Variants in KCNIP4 observed in about 807,000 individuals in gnomAD.
KCNIP4 encodes Kv channel-interacting protein 4.
Under a neutral mutation model 34.0 loss-of-function variants are expected in KCNIP4, and 12 were observed. The ratio of observed to expected loss-of-function variants is 0.35; its 90% CI spans 0.23 to 0.57. KCNIP4 has a LOEUF of 0.57. Among genes scored for constraint, KCNIP4 ranks in the 20% least tolerant of loss-of-function variants. KCNIP4 has a pLI of 0.83. For missense variants in KCNIP4, 238 were observed against 311.7 expected (o/e 0.76, Z 1.78); for synonymous variants, 124 against 102.2 (o/e 1.21, Z -1.29).
chr4:21,768,664 T>C (rs982804448), intron 1 of KCNIP4, among the ~76,000 whole-genome samples: 5 of 152,104 alleles, frequency 3.3e-5, no homozygotes, highest in African/African-American at 1.2e-4. Flanking sequence ...TTTTATAAGT[T>C]TTAAGAAAGT....
chr4:20,817,233 A>G (rs1326218678), intron 3 of KCNIP4, among the ~76,000 whole-genome samples: 1 of 152,110 alleles, frequency 6.6e-6, no homozygotes, highest in Non-Finnish European at 1.5e-5. Flanking sequence ...GTCCCATTTT[A>G]CCTCCATAGG....
chr4:21,287,433 T>C (rs1449206979), intron 1 of KCNIP4, among the ~76,000 whole-genome samples: 1 of 152,180 alleles, frequency 6.6e-6, no homozygotes, highest in Non-Finnish European at 1.5e-5. Flanking sequence ...TGATGAGTAT[T>C]ATAATGATAC....
intron 1 of KCNIP4, among the ~76,000 whole-genome samples, chr4:21,414,991 T>C (rs574874105): frequency 1.3e-5 from 2 of 152,196 alleles, no homozygotes; most frequent in African/African-American, 4.8e-5. Flanking sequence ...TTCTAAAAGG[T>C]AAAACAAATT....
At chr4:21,328,226 C>T (rs992277971) in intron 1 of KCNIP4, among the ~76,000 whole-genome samples, 1 of 152,088 alleles carries the variant, frequency 6.6e-6, no homozygotes, top group African/African-American at 2.4e-5. Context: ...TTCAAAGAGA[C>T]CTTGGTGTTG....
At chr4:21,826,561 A>G (rs1280166719) in intron 1 of KCNIP4, among the ~76,000 whole-genome samples, 2 of 152,260 alleles carry the variant, frequency 1.3e-5, no homozygotes, top group East Asian at 1.9e-4. Flanking sequence ...TATAAGACTT[A>G]ATCAAAAATT....
intron 1 of KCNIP4, among the ~76,000 whole-genome samples, chr4:20,889,052 C>T (rs1725625356): frequency 6.6e-6 from 1 of 152,042 alleles, no homozygotes; most frequent in South Asian, 2.1e-4. Context: ...AGTCTTTCAC[C>T]ATCCTTTAAA....
At chr4:21,648,775 A>C (rs2108965931) in intron 1 of KCNIP4, among the ~76,000 whole-genome samples, 1 of 152,264 alleles carries the variant, frequency 6.6e-6, no homozygotes, top group South Asian at 2.1e-4. Context: ...AGAAAGGAAA[A>C]ATTCTGTCAA....
At chr4:20,984,317 C>A (rs1736377180) in intron 1 of KCNIP4, among the ~76,000 whole-genome samples, 1 of 152,220 alleles carries the variant, frequency 6.6e-6, no homozygotes, top group South Asian at 2.1e-4. Flanking sequence ...GAGAACACCG[C>A]GCGCTTCCCT....
At chr4:21,677,277 G>A (rs1420602351) in intron 1 of KCNIP4, among the ~76,000 whole-genome samples, 1 of 152,146 alleles carries the variant, frequency 6.6e-6, no homozygotes, top group Non-Finnish European at 1.5e-5. Flanking sequence ...TTCACTTGAA[G>A]AATTCTATTT....
At chr4:21,117,430 A>G (rs1246158396) in intron 1 of KCNIP4, among the ~76,000 whole-genome samples, 1 of 150,272 alleles carries the variant, frequency 6.7e-6, no homozygotes, top group Non-Finnish European at 1.5e-5. Context: ...TTAATGCATG[A>G]CCTCCCCATT....
At chr4:21,266,248 C>T (rs1386661824) in intron 1 of KCNIP4, among the ~76,000 whole-genome samples, 1 of 152,068 alleles carries the variant, frequency 6.6e-6, no homozygotes, top group South Asian at 2.1e-4. Flanking sequence ...CTTTACGAAG[C>T]GTACAATGGA....
At chr4:21,342,186 G>A (rs767143775) in intron 1 of KCNIP4, among the ~76,000 whole-genome samples, 1 of 152,006 alleles carries the variant, frequency 6.6e-6, no homozygotes, top group Non-Finnish European at 1.5e-5. Context: ...TGACTCAAAA[G>A]TGTAGATGGA....
intron 1 of KCNIP4, among the ~76,000 whole-genome samples, chr4:21,278,087 G>C: frequency 6.6e-6 from 1 of 151,860 alleles, no homozygotes; most frequent in Admixed American, 6.6e-5. Flanking sequence ...GAAAATCTTT[G>C]TAAAAAATTC....
chr4:20,752,707 A>G (rs1421927067), intron 4 of KCNIP4: 5 of 152,202 alleles, frequency 3.3e-5, no homozygotes, highest in Non-Finnish European at 5.9e-5. Context: ...AAGACAGTGG[A>G]AAGTTTTAAA....
At chr4:21,135,618 ATC>A (rs1751442267) in intron 1 of KCNIP4, among the ~76,000 whole-genome samples, 1 of 152,234 alleles carries the variant, frequency 6.6e-6, no homozygotes, top group Admixed American at 6.5e-5. Context: ...TAAAGATTAA[ATC>A]TACATATACG....
chr4:21,281,469 A>G (rs1050275793), intron 1 of KCNIP4, among the ~76,000 whole-genome samples: 4 of 152,150 alleles, frequency 2.6e-5, no homozygotes, highest in Non-Finnish European at 5.9e-5. Flanking sequence ...ACTGAAATAA[A>G]ATCTGATTGA....
chr4:21,605,347 A>G (rs920969818), intron 1 of KCNIP4, among the ~76,000 whole-genome samples: 7 of 152,322 alleles, frequency 4.6e-5, no homozygotes, highest in African/African-American at 1.4e-4. Context: ...TCAATGAGGC[A>G]AGGCAAGTAC....
At chr4:21,099,381 A>G (rs558651496) in intron 1 of KCNIP4, among the ~76,000 whole-genome samples, 1 of 152,154 alleles carries the variant, frequency 6.6e-6, no homozygotes, top group Admixed American at 6.6e-5. Flanking sequence ...CAAACACCGC[A>G]TGTTCTCACT....
At chr4:20,792,772 TAA>T (rs1452245780) in intron 3 of KCNIP4, among the ~76,000 whole-genome samples, 1 of 152,100 alleles carries the variant, frequency 6.6e-6, no homozygotes, top group East Asian at 1.9e-4. Context: ...CAAAATATGA[TAA>T]AATTACAAAG....
Sources: gnomAD v4.1 joint callset for allele counts (sites outside exome capture counted in the v4.1 genomes callset) on GRCh38, gnomAD v4.1.1 for gene constraint, MANE v1.5 for transcripts, NCBI Gene and HGNC (gene_info 2026-07-23, HGNC 2026-07-21) for gene names.